Variants in ENPP4 observed in about 807,000 individuals in gnomAD.
The protein encoded by ENPP4 is bis(5'-adenosyl)-triphosphatase ENPP4.
Under a neutral mutation model 33.4 loss-of-function variants are expected in ENPP4, and 18 were observed. That is an observed-to-expected ratio of 0.54 (90% CI 0.37 to 0.80). The LOEUF (loss-of-function observed/expected upper bound fraction) is 0.80. Among genes scored for constraint, ENPP4 ranks in the 30% least tolerant of loss-of-function variants. The pLI is 0.00. For missense variants in ENPP4, 480 were observed against 541.7 expected (o/e 0.89, Z 1.13); for synonymous variants, 172 against 189.9 (o/e 0.91, Z 0.78).
intron 1 of ENPP4, among the ~76,000 whole-genome samples, chr6:46,131,367 T>A (rs549207086): frequency 1.2e-3 from 177 of 148,932 alleles, no homozygotes; most frequent in African/African-American, 3.7e-3. Context: ...TGTCCATGTG[T>A]TCTCATTGTT....
chr6:46,130,581 A>C (rs1763879831), intron 1 of ENPP4, among the ~76,000 whole-genome samples: 2 of 152,256 alleles, frequency 1.3e-5, no homozygotes, highest in African/African-American at 4.8e-5. Context: ...TGGCATCGAC[A>C]TCCGTCTGTC....
rs199741787 is a variant in ENPP4 at position 46,140,058 on chromosome 6, T to C, written c.475T>C (p.Ser159Pro). The change falls in exon 2 of 4, where the codon TCA (serine) becomes CCA (proline). Residue 159 changes from serine to proline, a missense_variant. Physicochemically the swap from Ser to Pro is moderately conservative, Grantham distance 74. Around this residue, in one of 3 missense-constraint regions of ENPP4, gnomAD observed 227 missense variants for 273.7 expected, o/e 0.83. Transcript: ENST00000321037. ...TTTTATGAATTACAACTCCTCAGTG[T>C]CATTTGAGGAAAGACTAAATAATAT... ...SYFMNYNSSV[S>P]FEERLNNITM... The C allele has an allele frequency of 1.2e-5, 20 of 1,611,704 alleles. No homozygotes were observed. The highest frequency in any genetic ancestry group is 1.6e-5 in the Non-Finnish European group (19 of 1,178,240).
Position 46,144,882 on chromosome 6 carries a change from G to T in ENPP4, c.*1242G>T, listed in dbSNP as rs1764121436. On this transcript the variant is annotated 3_prime_UTR_variant, in exon 4 of 4. Coordinates refer to ENST00000321037, the MANE Select transcript of ENPP4 (RefSeq NM_014936.5). Reference sequence around the variant, plus strand: ...TTTTTTCTCCAGTATTTGCATCACAGAAATAATCCCTCTGTTTAACATGTT... The same window carrying T: ...TTTTTTCTCCAGTATTTGCATCACATAAATAATCCCTCTGTTTAACATGTT... 1.5e-5 allele frequency: 6 copies of T among 395,618 alleles called. No individual in the cohort carries two copies. The highest frequency in any genetic ancestry group is 2.2e-5 in the Non-Finnish European group (5 of 223,948). 24.5% of individuals were successfully genotyped at this position (395,618 alleles called of 1,614,324 possible). A position where few individuals can be genotyped will look rare whatever the true frequency, so the allele number is the denominator to read the frequency against.
intron 1 of ENPP4, among the ~76,000 whole-genome samples, chr6:46,137,131 A>G (rs191897264): frequency 2.0e-5 from 3 of 152,070 alleles, no homozygotes; most frequent in Non-Finnish European, 2.9e-5. Context: ...TTGGAGGTAT[A>G]GAGAATGCAT....
Position 46,131,962 on chromosome 6 carries a change from A to C in ENPP4, c.-34+1773A>C, listed in dbSNP as rs544206571. Among the ~76,000 whole-genome samples, 183 of 151,910 alleles carry C rather than the reference A, an allele frequency of 1.2e-3. 1 individual carries two copies. Among genetic ancestry groups the C allele is most frequent in the African/African-American group, 4.1e-3 (170 of 41,532 alleles). On this transcript the variant is annotated intron_variant, in intron 1 of 3. Transcript: ENST00000321037. ...TTGGCTGCATAAATGTCTTCTTTTG[A>C]GAAGTGTCTGTTCATGTCCTTCGCC...
rs114300306 is a variant in ENPP4 at position 46,144,982 on chromosome 6, T to A, written c.*1342T>A. 0.012 allele frequency: 4,759 copies of A among 396,358 alleles called. 71 individuals are homozygous for A. Among genetic ancestry groups the A allele is most frequent in the Non-Finnish European group, 0.011 (2,498 of 224,436 alleles). 24.6% of individuals were successfully genotyped at this position (396,358 alleles called of 1,614,324 possible). ...AGCTGGTACCTTCTAGTAATCAAAATTAATATGAAGAAACTAGGTTGTGAC... is the reference window on the plus strand; with the variant it reads ...AGCTGGTACCTTCTAGTAATCAAAAATAATATGAAGAAACTAGGTTGTGAC... On this transcript the variant is annotated 3_prime_UTR_variant, in exon 4 of 4. Coordinates refer to ENST00000321037, the MANE Select transcript of ENPP4 (RefSeq NM_014936.5).
At position 46,146,333 on chromosome 6, in the gene ENPP4, A is replaced by T. The variant is rs1379421897; in HGVS notation, c.*2693A>T. 4 of 152,314 alleles carry T rather than the reference A, an allele frequency of 2.6e-5. No individual in the cohort carries two copies. The highest frequency in any genetic ancestry group is 5.9e-5 in the Non-Finnish European group (4 of 67,840). The allele number at this position is 152,314 out of a possible 1,614,324, so 9.4% of individuals were successfully genotyped here. ...ATTCTTGTAACATTAAAGGATTAAA[A>T]TGTTTTTACATTGTTTTTGGGTGTC... On this transcript the variant is annotated 3_prime_UTR_variant, in exon 4 of 4. Transcript: ENST00000321037.
Position 46,146,619 on chromosome 6 carries a change from G to C in ENPP4, c.*2979G>C, listed in dbSNP as rs1188909245. On this transcript the variant is annotated 3_prime_UTR_variant, in exon 4 of 4. Transcript: ENST00000321037. Reference sequence around the variant, plus strand: ...ACTTGAGTTCAGAATTAATGACTTTGTTCATGATTTTTAAAATGTGTGTGA... The same window carrying C: ...ACTTGAGTTCAGAATTAATGACTTTCTTCATGATTTTTAAAATGTGTGTGA... 2 of 151,936 alleles carry C rather than the reference G, an allele frequency of 1.3e-5. No individual in the cohort carries two copies. Among genetic ancestry groups the C allele is most frequent in the Admixed American group, 1.3e-4 (2 of 15,210 alleles). The allele number at this position is 151,936 out of a possible 1,614,324, so 9.4% of individuals were successfully genotyped here.
At chr6:46,137,550 A>G (rs1464242800) in intron 1 of ENPP4, among the ~76,000 whole-genome samples, 1 of 151,886 alleles carries the variant, frequency 6.6e-6, no homozygotes, top group Non-Finnish European at 1.5e-5. Flanking sequence ...TGAGGGCATA[A>G]AATATTGAAT....
chr6:46,130,996 A>G (rs763981822), intron 1 of ENPP4, among the ~76,000 whole-genome samples: 2 of 152,074 alleles, frequency 1.3e-5, no homozygotes, highest in Middle Eastern at 3.2e-3. Context: ...ATGAGCTTCT[A>G]TTTCTTCTTT....
Position 46,139,727 on chromosome 6 carries a change from T to A in ENPP4, c.144T>A (p.His48Gln). ...ADYLKNYEFP[H>Q]LQNFIKEGVL... ...ATCTGAAGAACTATGAATTTCCTCATCTCCAGAATTTTATCAAAGAAGGTG... is the reference window on the plus strand; with the variant it reads ...ATCTGAAGAACTATGAATTTCCTCAACTCCAGAATTTTATCAAAGAAGGTG... Residue 48 changes from histidine to glutamine, a missense_variant, in exon 2 of 4, where the codon CAT becomes CAA. His to Gln is a conservative substitution (Grantham distance 24). Coordinates refer to ENST00000321037, the MANE Select transcript of ENPP4 (RefSeq NM_014936.5). The A allele has an allele frequency of 1.2e-6, 2 of 1,611,842 alleles. No individual in the cohort carries two copies. Among genetic ancestry groups the A allele is most frequent in the South Asian group, 1.1e-5 (1 of 91,028 alleles).
rs1018406389 is a variant in ENPP4, at chr6:46,140,960, A to G, written c.827-92A>G. 4.9e-5 allele frequency: 37 copies of G among 749,476 alleles called. No homozygotes were observed. The African/African-American group carries it at 6.6e-4, about 13-fold the overall frequency. 46.4% of individuals were successfully genotyped at this position (749,476 alleles called of 1,614,324 possible). A position where few individuals can be genotyped will look rare whatever the true frequency, so the allele number is the denominator to read the frequency against. The stretch of plus-strand genomic sequence containing the variant: ...AAGAAGTGATTTAATAGATGACATT[A>G]TCTATAATTTACTTCCAATTATTCT... On this transcript the variant is annotated intron_variant, in intron 2 of 3. Transcript: ENST00000321037.
chr6:46,143,894 A>G lies in ENPP4; in HGVS notation c.*254A>G, dbSNP rs377327976. On this transcript the variant is annotated 3_prime_UTR_variant, in exon 4 of 4. Coordinates refer to ENST00000321037, the MANE Select transcript of ENPP4 (RefSeq NM_014936.5). ...GGTAGGAAATCATTAGGTAACATCA[A>G]TCCTAACTAGAAATACTAAAAATGG... 7.9e-5 allele frequency: 26 copies of G among 329,120 alleles called. No homozygotes were observed. Among genetic ancestry groups the G allele is most frequent in the African/African-American group, 4.9e-4 (23 of 47,228 alleles). 20.4% of individuals were successfully genotyped at this position (329,120 alleles called of 1,614,324 possible). A position where few individuals can be genotyped will look rare whatever the true frequency, so the allele number is the denominator to read the frequency against.
At chr6:46,141,361 G>T in intron 3 of ENPP4, 139 bp downstream of exon 3, 2 of 579,158 alleles carry the variant, frequency 3.5e-6, no homozygotes, top group South Asian at 2.5e-5. Context: ...ATAATTCCCA[G>T]GTCTTCATTT....
At chr6:46,130,911 A>G (rs1307901176) in intron 1 of ENPP4, among the ~76,000 whole-genome samples, 1 of 152,234 alleles carries the variant, frequency 6.6e-6, no homozygotes, top group Admixed American at 6.5e-5. Flanking sequence ...TTGCTTAATC[A>G]GGCAATCTTG....
At chr6:46,142,769 A>G (rs1222425455) in intron 3 of ENPP4, among the ~76,000 whole-genome samples, 2 of 151,708 alleles carry the variant, frequency 1.3e-5, no homozygotes, top group Non-Finnish European at 3.0e-5. Context: ...CTTTAAGTCT[A>G]ACTTTTACTG....
At chr6:46,132,811 G>A (rs543837960) in intron 1 of ENPP4, among the ~76,000 whole-genome samples, 4 of 152,000 alleles carry the variant, frequency 2.6e-5, no homozygotes, top group African/African-American at 9.6e-5. Flanking sequence ...CCATTTGTTT[G>A]TATCCTCTTT....
At position 46,144,961 on chromosome 6, in the gene ENPP4, G is replaced by C; in HGVS notation, c.*1321G>C. The C allele has an allele frequency of 2.5e-6, 1 of 396,360 alleles. No homozygotes were observed. Among genetic ancestry groups the C allele is most frequent in the Non-Finnish European group, 4.5e-6 (1 of 224,492 alleles). The allele number at this position is 396,360 out of a possible 1,614,324, so 24.6% of individuals were successfully genotyped here. Reference sequence around the variant, plus strand: ...AACTGTCATCCTGCCTTTGCTAGCTGGTACCTTCTAGTAATCAAAATTAAT... The same window carrying C: ...AACTGTCATCCTGCCTTTGCTAGCTCGTACCTTCTAGTAATCAAAATTAAT... On this transcript the variant is annotated 3_prime_UTR_variant, in exon 4 of 4. Coordinates refer to ENST00000321037, the MANE Select transcript of ENPP4 (RefSeq NM_014936.5).
intron 2 of ENPP4, 39 bp from the exon 3 acceptor site, chr6:46,141,013 C>T: frequency 7.2e-7 from 1 of 1,386,122 alleles, no homozygotes; most frequent in Non-Finnish European, 9.9e-7. Flanking sequence ...CCTTATCAAT[C>T]ATAACTTGTT....
Sources: gnomAD v4.1 joint callset for allele counts (sites outside exome capture counted in the v4.1 genomes callset) on GRCh38, gnomAD v4.1.1 for gene constraint, gnomAD v4.1.1 regional missense constraint, MANE v1.5 for transcripts, NCBI Gene and HGNC (gene_info 2026-07-23, HGNC 2026-07-21) for gene names.